The following CYB561 variants were observed in gnomAD, a reference collection of about 807,000 sequenced individuals.
CYB561 encodes the protein cytochrome b561, also known as transmembrane ascorbate-dependent reductase CYB561.
A neutral mutation model predicts 25.3 loss-of-function variants in CYB561; 11 were observed. The observed-to-expected ratio is 0.44, with a 90% CI of 0.27 to 0.72. The LOEUF (loss-of-function observed/expected upper bound fraction) is 0.72, where lower values mean the gene tolerates loss of function less well. Among genes scored for constraint, CYB561 ranks in the 30% least tolerant of loss-of-function variants. The pLI, the probability that CYB561 is intolerant of heterozygous loss-of-function variation, is 0.18. For missense variants in CYB561, 295 were observed against 334.9 expected, an observed-to-expected ratio of 0.88 and a Z score of 0.93; for synonymous variants, 165 against 158.8, an observed-to-expected ratio of 1.04 and a Z score of -0.29.
Position 63,435,210 on chromosome 17 carries a change from C to T in CYB561, c.439G>A (p.Gly147Arg), listed in dbSNP as rs766716037. 34 of 1,613,958 alleles carry T rather than the reference C, an allele frequency of 2.1e-5. No homozygotes were observed. The highest frequency in any genetic ancestry group is 2.6e-5 in the Non-Finnish European group (31 of 1,180,006). The change falls in exon 5 of 6, where the codon GGA becomes AGA. Residue 147 changes from glycine (G) to arginine (R), a missense_variant. Gly to Arg is a moderately radical substitution (Grantham distance 125). Transcript: ENST00000360793. ...LVGFSFFLFP[G>R]ASFSLRSRYR... is the part of the protein sequence containing the mutation. Reference sequence around the variant, plus strand: ...CGGCTCCGCAGGGAGAATGAAGCTCCGGGGAACAGGAAGAAGCTGAAGCCC... The same window carrying T: ...CGGCTCCGCAGGGAGAATGAAGCTCTGGGGAACAGGAAGAAGCTGAAGCCC...
At chr17:63,442,107 G>A (rs1235048238) in intron 1 of CYB561, among the ~76,000 whole-genome samples, 1 of 152,214 alleles carries the variant, frequency 6.6e-6, no homozygotes, top group Non-Finnish European at 1.5e-5. Flanking sequence ...TCAAAGGCGA[G>A]GCTTCAAAAT....
chr17:63,436,250 GCTGA>G lies in CYB561; in HGVS notation c.203-102_203-99del. Reference sequence around the variant, plus strand: ...GCACCTTGGTGGAGAGGTGATGTGAGCTGACGGCTTGTAACAGGAGCCTAGCTGC... The same window carrying G: ...GCACCTTGGTGGAGAGGTGATGTGAGCGGCTTGTAACAGGAGCCTAGCTGC... On this transcript the variant is annotated intron_variant, in intron 2 of 5. Coordinates refer to ENST00000360793, the MANE Select transcript of CYB561 (RefSeq NM_001915.4). This position sits in a 1 kb window ranked among gnomAD's most constrained non-coding sequence, Gnocchi z 4.8. 5.6e-6 allele frequency: 8 copies of G among 1,435,210 alleles called. No individual in the cohort carries two copies. The highest frequency in any genetic ancestry group is 4.7e-6 in the Non-Finnish European group (5 of 1,052,750). The allele number at this position is 1,435,210 out of a possible 1,614,324, so 88.9% of individuals were successfully genotyped here.
intron 1 of CYB561, chr17:63,440,298 T>C: frequency 5.0e-6 from 2 of 398,650 alleles, no homozygotes; most frequent in Non-Finnish European, 8.8e-6. Context: ...GGGCTGCCCT[T>C]CTTCCGGGCC....
intron 5 of CYB561, 116 bp downstream of exon 5, chr17:63,434,970 C>T (rs746473592): frequency 6.4e-6 from 7 of 1,100,020 alleles, no homozygotes; most frequent in Non-Finnish European, 9.1e-6. Flanking sequence ...ACTACAGCCA[C>T]CAGTTGTGAC....
intron 1 of CYB561, chr17:63,440,276 C>G (rs2049361605): frequency 2.5e-6 from 1 of 398,684 alleles, no homozygotes; most frequent in African/African-American, 2.1e-5. Flanking sequence ...ATGCCCTCCC[C>G]ACTAGCTAGC....
In CYB561 at chr17:63,434,121, G is replaced by T. The variant is rs1196622346; in HGVS notation, c.*281C>A. 1 of 400,940 alleles carries T rather than the reference G, an allele frequency of 2.5e-6. No homozygotes were observed. The highest frequency in any genetic ancestry group is 2.0e-5 in the African/African-American group (1 of 49,960). 24.8% of individuals were successfully genotyped at this position (400,940 alleles called of 1,614,324 possible). ...GCTTCTTTAAAGATCTGTGCTCTGC[G>T]ACCAGGACCGAACACCCGAAGTCCT... On this transcript the variant is annotated 3_prime_UTR_variant, in exon 6 of 6. Transcript: ENST00000360793.
rs567761207 is a variant in CYB561, at chr17:63,441,565, A to C, written c.-13-4005T>G. On this transcript the variant is annotated intron_variant, in intron 1 of 5. Coordinates refer to ENST00000360793, the MANE Select transcript of CYB561 (RefSeq NM_001915.4). ...CCAATTTTCAGGTAAGGGTGGTACA[A>C]GTTCAAGCCAGGAGCTAATCTGGGC... 1.9e-3 allele frequency among the ~76,000 whole-genome samples: 285 copies of C among 152,354 alleles called. 1 individual carries two copies. Among genetic ancestry groups the C allele is most frequent in the African/African-American group, 6.6e-3 (274 of 41,598 alleles).
Position 63,435,705 on chromosome 17 carries a change from C to G in CYB561, c.388G>C (p.Val130Leu). ...GGACTCACCTGCACAAAGTACAGGA[C>G]AAAGACAAGGATCCCGCACCAGCTG... ...LHSWCGILVF[V>L]LYFVQWLVGF... Residue 130 changes from valine (V) to leucine (L), a missense_variant, in exon 4 of 6, where the codon GTC becomes CTC. Physicochemically the swap from Val to Leu is conservative, Grantham distance 32 (BLOSUM62 1). Coordinates refer to ENST00000360793, the MANE Select transcript of CYB561 (RefSeq NM_001915.4). 6.2e-7 allele frequency: 1 copy of G among 1,614,206 alleles called. No individual in the cohort carries two copies. Among genetic ancestry groups the G allele is most frequent in the South Asian group, 1.1e-5 (1 of 91,092 alleles).
chr17:63,438,097 G>A, intron 1 of CYB561: 1 of 1,532,872 alleles, frequency 6.5e-7, no homozygotes, highest in Non-Finnish European at 8.7e-7. Context: ...GAGGGGCCCA[G>A]CCTCCCCACG....
intron 1 of CYB561, chr17:63,440,686 G>A (rs377405957): frequency 5.7e-5 from 9 of 159,200 alleles, no homozygotes; most frequent in East Asian, 3.6e-4. Context: ...ACCGCGGTGC[G>A]CAGATCACTC....
intron 1 of CYB561, among the ~76,000 whole-genome samples, chr17:63,444,440 G>C (rs1267824834): frequency 6.6e-6 from 1 of 152,204 alleles, no homozygotes; most frequent in African/African-American, 2.4e-5. Flanking sequence ...AGGTGTGCCA[G>C]CGCCCAGCAC....
In CYB561 at chr17:63,436,250, GCT is replaced by G; in HGVS notation, c.203-100_203-99del. ...GCACCTTGGTGGAGAGGTGATGTGA[GCT>G]GACGGCTTGTAACAGGAGCCTAGCT... is the stretch of plus-strand genomic sequence containing the variant. On this transcript the variant is annotated intron_variant, in intron 2 of 5. Coordinates refer to ENST00000360793, the MANE Select transcript of CYB561 (RefSeq NM_001915.4). This position sits in a 1 kb window ranked among gnomAD's most constrained non-coding sequence, Gnocchi z 4.8. 1 of 1,435,210 alleles carries G rather than the reference GCT, an allele frequency of 7.0e-7. No individual in the cohort carries two copies. Among genetic ancestry groups the G allele is most frequent in the South Asian group, 1.3e-5 (1 of 76,676 alleles). 88.9% of individuals were successfully genotyped at this position (1,435,210 alleles called of 1,614,324 possible).
chr17:63,434,981 G>A (rs1225594355), intron 5 of CYB561, 105 bp downstream of exon 5: 15 of 1,247,490 alleles, frequency 1.2e-5, no homozygotes, highest in South Asian at 4.5e-5. Flanking sequence ...CAGTTGTGAC[G>A]CCACGAGAGG....
chr17:63,434,243 C>A lies in CYB561; in HGVS notation c.*159G>T. On this transcript the variant is annotated 3_prime_UTR_variant, in exon 6 of 6. Transcript: ENST00000360793. ...GCGGAGAAAGGAGAAGCAGAGGAGG[C>A]GGAGACCTGACCCCAGAAAGCAGCA... The A allele has an allele frequency of 1.6e-6, 1 of 629,396 alleles. No homozygotes were observed. The highest frequency in any genetic ancestry group is 2.0e-5 in the South Asian group (1 of 49,834). 39.0% of individuals were successfully genotyped at this position (629,396 alleles called of 1,614,324 possible).
In CYB561 at chr17:63,436,212, C is replaced by G; in HGVS notation, c.203-60G>C. 1 of 1,581,730 alleles carries G rather than the reference C, an allele frequency of 6.3e-7. No individual in the cohort carries two copies. Among genetic ancestry groups the G allele is most frequent in the East Asian group, 2.3e-5 (1 of 44,064 alleles). On this transcript the variant is annotated intron_variant, in intron 2 of 5. Coordinates refer to ENST00000360793, the MANE Select transcript of CYB561 (RefSeq NM_001915.4). The surrounding 1 kb of genome is among the most constrained non-coding windows in gnomAD (Gnocchi z 4.8). ...CGCCTGTGCGTGAGGCCTCCTGCCCCAGCAGCAAGGAGGCACCTTGGTGGA... is the reference window on the plus strand; with the variant it reads ...CGCCTGTGCGTGAGGCCTCCTGCCCGAGCAGCAAGGAGGCACCTTGGTGGA...
At chr17:63,437,975 G>GCCCCCCC in intron 1 of CYB561, 7 of 89,526 alleles carry the variant, frequency 7.8e-5, no homozygotes, top group South Asian at 3.1e-4. Context: ...CGGCGGCCCC[G>GCCCCCCC]CCACCCTCCC....
chr17:63,433,322 G>C lies in CYB561; in HGVS notation c.*1080C>G, dbSNP rs753593105. On this transcript the variant is annotated 3_prime_UTR_variant, in exon 6 of 6. Coordinates refer to ENST00000360793, the MANE Select transcript of CYB561 (RefSeq NM_001915.4). The stretch of plus-strand genomic sequence containing the variant: ...ACTATTTCCAGGCCGAAGCCAAATG[G>C]TGACTCAGCTAACATGACACTCTTT... 8 of 398,498 alleles carry C rather than the reference G, an allele frequency of 2.0e-5. No homozygotes were observed. The highest frequency in any genetic ancestry group is 3.5e-5 in the Non-Finnish European group (8 of 226,142). 24.7% of individuals were successfully genotyped at this position (398,498 alleles called of 1,614,324 possible).
At chr17:63,440,613 C>T in intron 1 of CYB561, 1 of 189,474 alleles carries the variant, frequency 5.3e-6, no homozygotes, top group Non-Finnish European at 1.1e-5. Flanking sequence ...TCACAGAATC[C>T]AAGGACATGG....
chr17:63,437,987 CG>C, intron 1 of CYB561: 1 of 986,152 alleles, frequency 1.0e-6, no homozygotes, highest in Non-Finnish European at 1.4e-6. Flanking sequence ...CACCCTCCCC[CG>C]AGGCTCCCGC....
Sources: gnomAD v4.1 joint callset for allele counts (sites outside exome capture counted in the v4.1 genomes callset) on GRCh38, gnomAD v4.1.1 for gene constraint, Gnocchi (gnomAD v3.1) non-coding constraint, MANE v1.5 for transcripts, NCBI Gene and HGNC (gene_info 2026-07-23, HGNC 2026-07-21) for gene names.